TMEM245: variants seen among roughly 807,000 people sequenced by gnomAD.
TMEM245 encodes the protein protein CG-2.
Under a neutral mutation model 101.2 loss-of-function variants are expected in TMEM245, and 69 were observed. The ratio of observed to expected loss-of-function variants is 0.68; its 90% CI spans 0.56 to 0.83. The LOEUF (loss-of-function observed/expected upper bound fraction) is 0.83, where lower values mean the gene tolerates loss of function less well. TMEM245 is among the 40% of genes least tolerant of loss of function. The pLI, the probability that TMEM245 is intolerant of heterozygous loss-of-function variation, is 0.00. For synonymous variants in TMEM245, 537 were observed against 449.8 expected, an observed-to-expected ratio of 1.19 and a Z score of -2.45; for missense variants, 1,075 against 1,092.8, an observed-to-expected ratio of 0.98 and a Z score of 0.23.
In TMEM245 at chr9:109,115,357, G is replaced by A. The variant is rs546009537; in HGVS notation, c.579+3978C>T. ...AAAACTCCGTCTCAAAATATAAGAA[G>A]AAAAAAGAAAAACATAGGTCCCAAA... is the stretch of plus-strand genomic sequence containing the variant. On this transcript the variant is annotated intron_variant, in intron 1 of 17. Transcript: ENST00000374586. Among the ~76,000 whole-genome samples the A allele has an allele frequency of 1.2e-3, 176 of 150,542 alleles. 1 individual carries two copies. Among genetic ancestry groups the A allele is most frequent in the Middle Eastern group, 3.4e-3 (1 of 292 alleles).
intron 9 of TMEM245, among the ~76,000 whole-genome samples, chr9:109,069,370 T>C (rs930410382): frequency 6.6e-6 from 1 of 152,216 alleles, no homozygotes; most frequent in African/African-American, 2.4e-5. Flanking sequence ...TATCATCCTA[T>C]GAAAGGCTCT....
chr9:109,020,880 A>G (rs1827601274), intron 17 of TMEM245, among the ~76,000 whole-genome samples: 1 of 152,250 alleles, frequency 6.6e-6, no homozygotes, highest in Non-Finnish European at 1.5e-5. Flanking sequence ...TTGATGTTAA[A>G]GAGGAAAAAC....
intron 7 of TMEM245, among the ~76,000 whole-genome samples, chr9:109,082,140 A>T (rs1387143809): frequency 6.6e-6 from 1 of 152,236 alleles, no homozygotes; most frequent in Non-Finnish European, 1.5e-5. Context: ...TGAGTTCTGC[A>T]GCATTTACTT....
rs530924653 is a variant in TMEM245 at position 109,119,551 on chromosome 9, C to T, written c.363G>A (p.Leu121=). The change falls in exon 1 of 18, where the codon CTG becomes CTA. Residue 121 remains leucine, a synonymous_variant. Coordinates refer to ENST00000374586, the MANE Select transcript of TMEM245 (RefSeq NM_032012.4). ...RLHRAHTPIV[L]AALLLPLCFV... is the part of the protein sequence containing the mutation. ...AGCAGAGCGGCAGGAGCAGCGCGGC[C>T]AGGACGATGGGCGTGTGCGCGCGGT... 34 of 1,535,114 alleles carry T rather than the reference C, an allele frequency of 2.2e-5. No homozygotes were observed. Among genetic ancestry groups the T allele is most frequent in the Middle Eastern group, 1.7e-4 (1 of 5,764 alleles).
Position 109,119,561 on chromosome 9 carries a change from G to T in TMEM245, c.353C>A (p.Pro118His). ...WLQRLHRAHTPIVLAALLLPL... is the reference protein window; with the variant it reads ...WLQRLHRAHTHIVLAALLLPL... ...CAGGAGCAGCGCGGCCAGGACGATGGGCGTGTGCGCGCGGTGCAGGCGCTG... is the reference window on the plus strand; with the variant it reads ...CAGGAGCAGCGCGGCCAGGACGATGTGCGTGTGCGCGCGGTGCAGGCGCTG... Residue 118 changes from proline (P) to histidine (H), a missense_variant, in exon 1 of 18, where the codon CCC (proline) becomes CAC (histidine). Physicochemically the swap from Pro to His is moderately conservative, Grantham distance 77. Transcript: ENST00000374586. 6.5e-7 allele frequency: 1 copy of T among 1,538,764 alleles called. No homozygotes were observed. Among genetic ancestry groups the T allele is most frequent in the Non-Finnish European group, 8.7e-7 (1 of 1,147,338 alleles).
In TMEM245 at chr9:109,029,338, C is replaced by G. The variant is rs375825070; in HGVS notation, c.2594+3969G>C. ...AACACAAGTTTTCACTTTTAAAGGT[C>G]TTAGCAAGTGCCCATCAGGACAGAA... On this transcript the variant is annotated intron_variant, in intron 17 of 17. Coordinates refer to ENST00000374586, the MANE Select transcript of TMEM245 (RefSeq NM_032012.4). Among the ~76,000 whole-genome samples the G allele has an allele frequency of 1.8e-4, 28 of 152,252 alleles. No individual in the cohort carries two copies. The East Asian group carries it at 5.0e-3, about 27-fold the overall frequency.
In TMEM245 at chr9:109,119,678, G is replaced by A; in HGVS notation, c.236C>T (p.Ala79Val). The A allele has an allele frequency of 6.4e-7, 1 of 1,556,544 alleles. No individual in the cohort carries two copies. The highest frequency in any genetic ancestry group is 1.2e-5 in the South Asian group (1 of 84,570). ...AAVLVYFILE[A>V]FLRPLLWAVL... ...GGCCCAGAGCAGCGGCCGCAGGAAGGCCTCCAGGATGAAGTAGACCAGCAC... is the reference window on the plus strand; with the variant it reads ...GGCCCAGAGCAGCGGCCGCAGGAAGACCTCCAGGATGAAGTAGACCAGCAC... Residue 79 changes from alanine to valine, a missense_variant, in exon 1 of 18, where the codon GCC becomes GTC. Ala to Val is a moderately conservative substitution (Grantham distance 64, BLOSUM62 0). Transcript: ENST00000374586.
rs769796811 is a variant in TMEM245, at chr9:109,119,853, G to T, written c.61C>A (p.Pro21Thr). ...GGCCCGACCGCGCGCGGGACCCGCG[G>T]CGCCGGCCCGGGAGAGCTCCGCAGG... ...PSLRSSPGPAPRVPRAVGPSG... is the reference protein window; with the variant it reads ...PSLRSSPGPATRVPRAVGPSG... The change falls in exon 1 of 18, where the codon CCG becomes ACG. Residue 21 changes from proline to threonine, a missense_variant. Around this residue, in one of 2 missense-constraint regions of TMEM245, gnomAD observed 808 missense variants for 741.5 expected, o/e 1.09. Transcript: ENST00000374586. 137 of 1,329,482 alleles carry T rather than the reference G, an allele frequency of 1.0e-4. No individual in the cohort carries two copies. The highest frequency in any genetic ancestry group is 1.2e-4 in the Non-Finnish European group (130 of 1,050,314). 82.4% of individuals were successfully genotyped at this position (1,329,482 alleles called of 1,614,324 possible).
chr9:109,036,408 T>C (rs1588023287), intron 15 of TMEM245, 28 bp from the exon 16 acceptor site: 9 of 1,548,620 alleles, frequency 5.8e-6, no homozygotes, highest in Non-Finnish European at 3.5e-6. Flanking sequence ...GAAAAACAAC[T>C]TAACATCATC....
intron 11 of TMEM245, among the ~76,000 whole-genome samples, chr9:109,058,400 T>A (rs1487480435): frequency 6.6e-6 from 1 of 152,074 alleles, no homozygotes; most frequent in East Asian, 1.9e-4. Context: ...TTTATCTATC[T>A]GGAAGACATT....
At chr9:109,031,664 C>T (rs945022840) in intron 17 of TMEM245, among the ~76,000 whole-genome samples, 7 of 152,204 alleles carry the variant, frequency 4.6e-5, no homozygotes, top group Admixed American at 4.6e-4. Context: ...ATATTCTATA[C>T]CTTGATATGA....
At chr9:109,055,851 C>T (rs773873424) in intron 12 of TMEM245, among the ~76,000 whole-genome samples, 51 of 152,164 alleles carry the variant, frequency 3.4e-4, no homozygotes, top group Non-Finnish European at 6.0e-4. Context: ...TTAGGCTGAT[C>T]TCAAACTCCC....
intron 10 of TMEM245, among the ~76,000 whole-genome samples, chr9:109,060,759 A>G (rs970149485): frequency 5.9e-5 from 9 of 152,228 alleles, no homozygotes; most frequent in Non-Finnish European, 1.2e-4. Context: ...CTGTCCAGAG[A>G]AAAATCTTTC....
At chr9:109,097,351 G>A (rs1416738396) in intron 3 of TMEM245, among the ~76,000 whole-genome samples, 2 of 152,200 alleles carry the variant, frequency 1.3e-5, no homozygotes, top group East Asian at 3.8e-4. Context: ...GGAAGATAGT[G>A]TGAATGAGAA....
rs761714181 is a variant in TMEM245, at chr9:109,077,987, C to T, written c.1449+2852G>A. The stretch of plus-strand genomic sequence containing the variant: ...TATTTGTCCCATCTCTATTGGTCCT[C>T]TGTTGTTCCTGCACTGCCTTTTGTG... On this transcript the variant is annotated intron_variant, in intron 8 of 17. Transcript: ENST00000374586. Among the ~76,000 whole-genome samples the T allele has an allele frequency of 4.6e-5, 7 of 152,300 alleles. No homozygotes were observed. The East Asian group carries it at 1.2e-3, about 25-fold the overall frequency.
chr9:109,058,812 C>T (rs1442910481), intron 11 of TMEM245, among the ~76,000 whole-genome samples: 1 of 152,082 alleles, frequency 6.6e-6, no homozygotes, highest in Non-Finnish European at 1.5e-5. Flanking sequence ...CACTATGTTG[C>T]CCAGGCTGGT....
chr9:109,068,685 A>C (rs889314782), intron 9 of TMEM245, among the ~76,000 whole-genome samples: 3 of 152,190 alleles, frequency 2.0e-5, no homozygotes, highest in Admixed American at 2.0e-4. Context: ...ATTAATTGGC[A>C]ATAAAAAAGA....
At chr9:109,031,335 A>G (rs765118046) in intron 17 of TMEM245, among the ~76,000 whole-genome samples, 1 of 152,246 alleles carries the variant, frequency 6.6e-6, no homozygotes, top group Non-Finnish European at 1.5e-5. Flanking sequence ...TAAAACAGAC[A>G]TAAACTGCAA....
intron 7 of TMEM245, among the ~76,000 whole-genome samples, chr9:109,084,610 T>C (rs1829780893): frequency 6.6e-6 from 1 of 152,208 alleles, no homozygotes; most frequent in Non-Finnish European, 1.5e-5. Flanking sequence ...TGAGCCCAAG[T>C]TCACAGTTGC....
Sources: allele counts gnomAD v4.1 joint callset (sites outside exome capture counted in the v4.1 genomes callset), GRCh38; gene constraint gnomAD v4.1.1; regional missense constraint gnomAD v4.1.1; transcripts MANE v1.5; gene names NCBI Gene and HGNC (gene_info 2026-07-23, HGNC 2026-07-21).